The following RGS7 variants were observed in gnomAD, a reference collection of about 807,000 sequenced individuals.
The protein encoded by RGS7 is regulator of G-protein signaling 7.
Under a neutral mutation model 81.1 loss-of-function variants are expected in RGS7, and 27 were observed. That is an observed-to-expected ratio of 0.33 (90% confidence interval 0.25 to 0.46). RGS7 has a LOEUF of 0.46. RGS7 is among the 20% of genes least tolerant of loss of function. RGS7 has a pLI of 1.00. For synonymous variants in RGS7, 208 were observed against 207.7 expected, an observed-to-expected ratio of 1.00 and a Z score of -0.01; for missense variants, 396 against 607.4, an observed-to-expected ratio of 0.65 and a Z score of 3.66.
intron 2 of RGS7, among the ~76,000 whole-genome samples, chr1:241,307,677 C>G (rs2080259359): frequency 6.6e-6 from 1 of 152,092 alleles, no homozygotes; most frequent in South Asian, 2.1e-4. Context: ...ACACGAACGT[C>G]TCCACCATTA....
intron 2 of RGS7, among the ~76,000 whole-genome samples, chr1:241,183,286 A>C (rs1469848284): frequency 2.0e-5 from 3 of 152,204 alleles, no homozygotes; most frequent in Non-Finnish European, 4.4e-5. Context: ...TTGCAGTATG[A>C]TTTGGTTGCG....
intron 6 of RGS7, among the ~76,000 whole-genome samples, chr1:240,879,342 C>T (rs1396136583): frequency 6.6e-6 from 1 of 152,162 alleles, no homozygotes; most frequent in Non-Finnish European, 1.5e-5. Flanking sequence ...ATGTATTTGC[C>T]TGGTATATCT....
intron 5 of RGS7, among the ~76,000 whole-genome samples, chr1:240,934,888 T>TTTTTTTTTTG (rs1676344663): frequency 8.8e-6 from 1 of 113,046 alleles, no homozygotes; most frequent in Non-Finnish European, 1.8e-5. Context: ...TTTTTTTTTT[T>TTTTTTTTTTG]TTTTTTTTTT....
intron 2 of RGS7, among the ~76,000 whole-genome samples, chr1:241,200,328 G>A (rs902601663): frequency 4.0e-5 from 6 of 151,590 alleles, no homozygotes; most frequent in East Asian, 1.9e-4. Context: ...GCTGCAAACC[G>A]GCAGAAAAAT....
intron 6 of RGS7, among the ~76,000 whole-genome samples, chr1:240,884,651 T>C (rs759157420): frequency 2.6e-5 from 4 of 152,138 alleles, no homozygotes; most frequent in Non-Finnish European, 5.9e-5. Flanking sequence ...AAACAAGCAA[T>C]GGGGAAAAGA....
chr1:240,900,112 T>C (rs1669734608), intron 6 of RGS7, among the ~76,000 whole-genome samples: 1 of 152,224 alleles, frequency 6.6e-6, no homozygotes, highest in Admixed American at 6.5e-5. Context: ...CACGTAGTTC[T>C]CATGCCACGG....
intron 2 of RGS7, among the ~76,000 whole-genome samples, chr1:241,227,771 C>T (rs2075405235): frequency 6.6e-6 from 1 of 152,052 alleles, no homozygotes; most frequent in Non-Finnish European, 1.5e-5. Flanking sequence ...AAGAAAAAGC[C>T]TTAACAAACA....
intron 2 of RGS7, among the ~76,000 whole-genome samples, chr1:241,155,577 GA>G (rs58091813): frequency 0.51 from 59,750 of 117,172 alleles, 13,553 homozygotes; most frequent in African/African-American, 0.72. Context: ...TTGAAAAAAA[GA>G]AAAAAAAAAA....
Position 241,056,404 on chromosome 1 carries a change from C to T in RGS7, c.175+42262G>A, listed in dbSNP as rs143822071. Reference sequence around the variant, plus strand: ...GTACCCATCTCATCTCATTCATTTACGTTTTTGTGTGTGCCTTTATTTTCT... The same window carrying T: ...GTACCCATCTCATCTCATTCATTTATGTTTTTGTGTGTGCCTTTATTTTCT... On this transcript the variant is annotated intron_variant, in intron 3 of 18. Transcript: ENST00000440928. Among the ~76,000 whole-genome samples the T allele has an allele frequency of 1.1e-3, 165 of 152,284 alleles. 1 individual carries two copies. The highest frequency in any genetic ancestry group is 3.6e-3 in the African/African-American group (151 of 41,566).
intron 4 of RGS7, among the ~76,000 whole-genome samples, chr1:240,981,098 GTTTT>G (rs886552414): frequency 6.3e-4 from 96 of 151,616 alleles, no homozygotes; most frequent in African/African-American, 1.8e-3. Flanking sequence ...ACACCTTCAG[GTTTT>G]TTTTGTTTGT....
intron 2 of RGS7, among the ~76,000 whole-genome samples, chr1:241,306,051 T>A (rs936234241): frequency 6.6e-6 from 1 of 152,024 alleles, no homozygotes; most frequent in Non-Finnish European, 1.5e-5. Context: ...CACATCAGAA[T>A]AACGAGAAGA....
intron 2 of RGS7, among the ~76,000 whole-genome samples, chr1:241,100,957 G>A (rs539755733): frequency 6.6e-6 from 1 of 152,214 alleles, no homozygotes; most frequent in Non-Finnish European, 1.5e-5. Flanking sequence ...AGCTGGGAAT[G>A]AGAAACTGGC....
intron 10 of RGS7, among the ~76,000 whole-genome samples, chr1:240,821,487 A>C (rs1008926172): frequency 1.3e-5 from 2 of 152,180 alleles, no homozygotes; most frequent in Non-Finnish European, 2.9e-5. Flanking sequence ...ATTCATTTTC[A>C]TTTGAGCAGT....
intron 9 of RGS7, among the ~76,000 whole-genome samples, chr1:240,836,868 T>C (rs572295215): frequency 6.6e-6 from 1 of 152,326 alleles, no homozygotes; most frequent in East Asian, 1.9e-4. Context: ...TCAGAGTCTC[T>C]GCTACACTTT....
intron 6 of RGS7, among the ~76,000 whole-genome samples, chr1:240,918,105 G>A (rs923572266): frequency 3.3e-5 from 5 of 151,982 alleles, no homozygotes; most frequent in African/African-American, 1.2e-4. Flanking sequence ...AAATACTTGA[G>A]GTAAAAACTG....
At chr1:241,343,140 T>C (rs1469160790) in intron 2 of RGS7, among the ~76,000 whole-genome samples, 1 of 151,862 alleles carries the variant, frequency 6.6e-6, no homozygotes, top group Non-Finnish European at 1.5e-5. Flanking sequence ...TGCGCACCTG[T>C]AGCCCCAGCT....
At chr1:241,102,480 C>T (rs2064828151) in intron 2 of RGS7, among the ~76,000 whole-genome samples, 1 of 152,134 alleles carries the variant, frequency 6.6e-6, no homozygotes, top group Non-Finnish European at 1.5e-5. Flanking sequence ...TTGAAAGACT[C>T]CACATTGATA....
chr1:240,994,107 A>G (rs1686924411), intron 3 of RGS7, among the ~76,000 whole-genome samples: 1 of 152,188 alleles, frequency 6.6e-6, no homozygotes, highest in African/African-American at 2.4e-5. Context: ...ATATAATATA[A>G]ACATAAAATA....
intron 3 of RGS7, among the ~76,000 whole-genome samples, chr1:241,030,799 TA>T (rs1171336068): frequency 6.6e-6 from 1 of 151,842 alleles, no homozygotes; most frequent in Non-Finnish European, 1.5e-5. Context: ...ATACTCCTCT[TA>T]AAAAAATCCT....
Sources: gnomAD v4.1 joint callset for allele counts (sites outside exome capture counted in the v4.1 genomes callset) on GRCh38, gnomAD v4.1.1 for gene constraint, MANE v1.5 for transcripts, NCBI Gene and HGNC (gene_info 2026-07-23, HGNC 2026-07-21) for gene names.